Variants in PTPN13 observed in about 807,000 individuals in gnomAD.
PTPN13 encodes the protein tyrosine-protein phosphatase non-receptor type 13.
Under a neutral mutation model 284.0 loss-of-function variants are expected in PTPN13, and 191 were observed. The observed-to-expected ratio is 0.67, with a 90% confidence interval of 0.60 to 0.76. The LOEUF is 0.76. PTPN13 is among the 30% of genes least tolerant of loss of function. PTPN13 has a pLI of 0.00. For synonymous variants in PTPN13, 986 were observed against 1,022.3 expected (o/e 0.96, Z 0.68); for missense variants, 2,797 against 2,939.9 (o/e 0.95, Z 1.12).
At chr4:86,626,104 A>G (rs1392722601) in intron 1 of PTPN13, among the ~76,000 whole-genome samples, 2 of 152,148 alleles carry the variant, frequency 1.3e-5, no homozygotes, top group Non-Finnish European at 2.9e-5. Context: ...CAAATGTGAA[A>G]TTAGAGATTT....
chr4:86,704,466 C>A (rs900588328), intron 7 of PTPN13, among the ~76,000 whole-genome samples: 1 of 152,068 alleles, frequency 6.6e-6, no homozygotes, highest in Non-Finnish European at 1.5e-5. Context: ...GCATATGATT[C>A]TATTATCTTC....
At chr4:86,793,193 G>C (rs530859444) in intron 40 of PTPN13, among the ~76,000 whole-genome samples, 2 of 152,222 alleles carry the variant, frequency 1.3e-5, no homozygotes, top group South Asian at 4.1e-4. Flanking sequence ...AGCAAAAAAA[G>C]CAGGGGTTGC....
chr4:86,609,580 G>T (rs1765081708), intron 1 of PTPN13, among the ~76,000 whole-genome samples: 1 of 152,082 alleles, frequency 6.6e-6, no homozygotes, highest in Non-Finnish European at 1.5e-5. Flanking sequence ...CTTTTGAAAA[G>T]AATTTATACA....
intron 1 of PTPN13, among the ~76,000 whole-genome samples, chr4:86,620,783 A>C (rs774160781): frequency 2.6e-5 from 4 of 152,226 alleles, no homozygotes; most frequent in Non-Finnish European, 5.9e-5. Flanking sequence ...GTGCATTACT[A>C]TCTCTTTCTA....
chr4:86,649,466 A>G (rs1724835112), intron 2 of PTPN13, among the ~76,000 whole-genome samples: 1 of 152,188 alleles, frequency 6.6e-6, no homozygotes, highest in African/African-American at 2.4e-5. Context: ...TTTTCCCAGC[A>G]TCATTTATGA....
At position 86,701,726 on chromosome 4, in the gene PTPN13, A is replaced by G; in HGVS notation, c.1120A>G (p.Ile374Val). 4.3e-6 allele frequency: 7 copies of G among 1,613,994 alleles called. No homozygotes were observed. Among genetic ancestry groups the G allele is most frequent in the Non-Finnish European group, 5.9e-6 (7 of 1,179,856 alleles). The change falls in exon 7 of 48, where the codon ATA becomes GTA. Residue 374 changes from isoleucine (I) to valine (V), a missense_variant. By Grantham distance (29) the Ile-to-Val change is conservative (BLOSUM62 3). Transcript: ENST00000411767. ...HTRELPTSSA[I>V]SSALDRIRER... ...TCGAGAATTGCCCACCTCCTCAGCA[A>G]TATCAAGTGCTTTGGACCGAATCCG...
rs144472886 is a variant in PTPN13 at position 86,809,780 on chromosome 4, G to A, written c.7095G>A (p.Val2365=). The A allele has an allele frequency of 8.9e-5, 143 of 1,613,862 alleles. No homozygotes were observed. In the East Asian group the frequency reaches 2.6e-3, roughly 29 times the overall value. The change falls in exon 46 of 48, where the codon GTG becomes GTA. Residue 2365 remains valine, a synonymous_variant. Transcript: ENST00000411767. ...TTATACAATTTCAGACCAGAGAGGT[G>A]CGCCATATTTCTCATCTGAATTTCA... The part of the protein sequence containing the change: ...MTLEDIQTRE[V]RHISHLNFTA...
intron 23 of PTPN13, among the ~76,000 whole-genome samples, chr4:86,761,227 T>C (rs919884404): frequency 1.3e-5 from 2 of 149,148 alleles, no homozygotes; most frequent in East Asian, 2.0e-4. Context: ...CTAAATACCA[T>C]TCTGTAACTG....
chr4:86,736,196 G>GAT (rs985396140), intron 15 of PTPN13, among the ~76,000 whole-genome samples: 3 of 152,148 alleles, frequency 2.0e-5, no homozygotes, highest in Admixed American at 2.0e-4. Flanking sequence ...AATTAATGTA[G>GAT]ATAGGGGTAG....
rs1351361446 is a variant in PTPN13, at chr4:86,774,402, A to C, written c.5379A>C (p.Lys1793Asn). Residue 1793 changes from lysine to asparagine, a missense_variant, in exon 33 of 48, where the codon AAA (lysine) becomes AAC (asparagine). Physicochemically the swap from Lys to Asn is moderately conservative, Grantham distance 94 (BLOSUM62 0). Transcript: ENST00000411767. ...TAGAACTCCTCATTACCCTAATTAA[A>C]TCAGAAAAAGGAAGCCTGGGTTTTA... ...LEVELLITLI[K>N]SEKGSLGFTV... The C allele has an allele frequency of 6.2e-7, 1 of 1,607,556 alleles. No homozygotes were observed. Among genetic ancestry groups the C allele is most frequent in the East Asian group, 2.2e-5 (1 of 44,786 alleles).
At position 86,775,247 on chromosome 4, in the gene PTPN13, G is replaced by A; in HGVS notation, c.5585G>A (p.Arg1862Lys). The A allele has an allele frequency of 6.2e-7, 1 of 1,613,400 alleles. No homozygotes were observed. The highest frequency in any genetic ancestry group is 8.5e-7 in the Non-Finnish European group (1 of 1,179,412). ...CTCCGGGCTGCATCCAAAACAGTCA[G>A]ATTAGTTATTGGACGAGTTCTAGAA... ...NLLRAASKTV[R>K]LVIGRVLELP... Residue 1862 changes from arginine (R) to lysine (K), a missense_variant, in exon 34 of 48, where the codon AGA becomes AAA. Arg to Lys is a conservative substitution (Grantham distance 26). Transcript: ENST00000411767.
chr4:86,717,293 A>G (rs1463400570), intron 9 of PTPN13, among the ~76,000 whole-genome samples, 176 bp downstream of exon 9: 4 of 151,638 alleles, frequency 2.6e-5, no homozygotes, highest in Non-Finnish European at 5.9e-5. Context: ...GGTTCACGCA[A>G]TTCTTTTGCC....
chr4:86,645,572 A>T (rs1578325314), intron 2 of PTPN13, among the ~76,000 whole-genome samples: 1 of 152,184 alleles, frequency 6.6e-6, no homozygotes, highest in Admixed American at 6.6e-5. Context: ...TAGAAATGAT[A>T]AAAAAAGTAA....
intron 2 of PTPN13, among the ~76,000 whole-genome samples, chr4:86,656,035 G>A (rs925822529): frequency 1.8e-4 from 28 of 151,880 alleles, no homozygotes; most frequent in Non-Finnish European, 3.5e-4. Context: ...TGATCTAATC[G>A]GCTACTGAAG....
In PTPN13 at chr4:86,770,189, C is replaced by T; in HGVS notation, c.4793C>T (p.Thr1598Ile). The T allele has an allele frequency of 6.2e-7, 1 of 1,613,162 alleles. No individual in the cohort carries two copies. Among genetic ancestry groups the T allele is most frequent in the South Asian group, 1.1e-5 (1 of 90,974 alleles). ...PPPGVLPEIDTALLTPLQSPA... is the reference protein window; with the variant it reads ...PPPGVLPEIDIALLTPLQSPA... ...CCTGGTGTGCTACCGGAAATTGATACTGCGCTTTTGGTGAGACTTATGAAA... is the reference window on the plus strand; with the variant it reads ...CCTGGTGTGCTACCGGAAATTGATATTGCGCTTTTGGTGAGACTTATGAAA... The change falls in exon 30 of 48, where the codon ACT becomes ATT. Residue 1598 changes from threonine to isoleucine, a missense_variant. Coordinates refer to ENST00000411767, the MANE Select transcript of PTPN13 (RefSeq NM_080683.3).
At chr4:86,732,955 C>T (rs889225206) in intron 12 of PTPN13, among the ~76,000 whole-genome samples, 189 bp downstream of exon 12, 2 of 152,048 alleles carry the variant, frequency 1.3e-5, no homozygotes, top group Non-Finnish European at 2.9e-5. Context: ...GTTTGTTAGG[C>T]ACCTTCTGTA....
At chr4:86,646,655 T>C (rs1724462558) in intron 2 of PTPN13, among the ~76,000 whole-genome samples, 1 of 152,210 alleles carries the variant, frequency 6.6e-6, no homozygotes, top group East Asian at 1.9e-4. Context: ...AGCTTTACAT[T>C]TGGGAAACTG....
At chr4:86,705,875 A>G (rs1030854013) in intron 7 of PTPN13, among the ~76,000 whole-genome samples, 2 of 152,122 alleles carry the variant, frequency 1.3e-5, no homozygotes, top group South Asian at 4.1e-4. Flanking sequence ...CTGATATAAT[A>G]ATTGGAAGAA....
rs367718338 is a variant in PTPN13 at position 86,813,395 on chromosome 4, T to C, written c.7363-1061T>C. On this transcript the variant is annotated intron_variant, in intron 47 of 47. Coordinates refer to ENST00000411767, the MANE Select transcript of PTPN13 (RefSeq NM_080683.3). ...AAAGGAGTTCATTTTCAAAGAACTT[T>C]GATTTTCATGCTTTTGTTCCAAAAT... is the stretch of plus-strand genomic sequence containing the variant. Among the ~76,000 whole-genome samples the C allele has an allele frequency of 2.6e-5, 4 of 152,376 alleles. No individual in the cohort carries two copies. The East Asian group carries it at 5.8e-4, about 22-fold the overall frequency.
Sources: gnomAD v4.1 joint callset for allele counts (sites outside exome capture counted in the v4.1 genomes callset) on GRCh38, gnomAD v4.1.1 for gene constraint, MANE v1.5 for transcripts, NCBI Gene and HGNC (gene_info 2026-07-23, HGNC 2026-07-21) for gene names.